Variants in CD247 observed in about 807,000 individuals in gnomAD.
CD247 encodes T-cell surface glycoprotein CD3 zeta chain.
CD247 carries 13 observed loss-of-function variants against 30.0 expected under a neutral mutation model. The observed-to-expected ratio is 0.43, with a 90% CI of 0.28 to 0.69. CD247 has a LOEUF of 0.69. CD247 is among the 30% of genes least tolerant of loss of function. The pLI is 0.16. For synonymous variants in CD247, 72 were observed against 80.0 expected (o/e 0.90, Z 0.53); for missense variants, 193 against 212.6 (o/e 0.91, Z 0.57).
chr1:167,459,535 TAG>T (rs1286232886), intron 1 of CD247: 2 of 152,100 alleles, frequency 1.3e-5, no homozygotes, highest in African/African-American at 4.8e-5. Flanking sequence ...GTATTTTTAG[TAG>T]AGACAGGATT....
At chr1:167,442,626 C>T (rs1314056829) in intron 1 of CD247, among the ~76,000 whole-genome samples, 3 of 152,164 alleles carry the variant, frequency 2.0e-5, no homozygotes, top group African/African-American at 2.4e-5. Flanking sequence ...CCCTTCCTGC[C>T]CCTGGGCCAG....
At chr1:167,437,211 T>C (rs1651587289) in intron 4 of CD247, among the ~76,000 whole-genome samples, 1 of 152,034 alleles carries the variant, frequency 6.6e-6, no homozygotes, top group African/African-American at 2.4e-5. Flanking sequence ...GAGACCAGCC[T>C]GATCAACATG....
rs541122316 is a variant in CD247, at chr1:167,478,326, C to T, written c.59-37559G>A. ...GTTAATGGGACATGGAAGAACCAGA[C>T]CTGCCTGAGTACCTAACATGGCAAA... is the stretch of plus-strand genomic sequence containing the variant. On this transcript the variant is annotated intron_variant, in intron 1 of 7. Coordinates refer to ENST00000362089, the MANE Select transcript of CD247 (RefSeq NM_198053.3). Among the ~76,000 whole-genome samples, 296 of 152,336 alleles carry T rather than the reference C, an allele frequency of 1.9e-3. 1 individual carries two copies. The highest frequency in any genetic ancestry group is 3.4e-3 in the Admixed American group (52 of 15,304).
At chr1:167,513,268 G>T (rs1238237350) in intron 1 of CD247, among the ~76,000 whole-genome samples, 2 of 151,974 alleles carry the variant, frequency 1.3e-5, no homozygotes, top group African/African-American at 4.8e-5. Context: ...TATGTTTTAT[G>T]TTTTGATTAT....
At chr1:167,444,066 G>C (rs1238464489) in intron 1 of CD247, among the ~76,000 whole-genome samples, 3 of 152,232 alleles carry the variant, frequency 2.0e-5, no homozygotes, top group Non-Finnish European at 4.4e-5. Flanking sequence ...CTTACTAGCT[G>C]TGTGGTTTTG....
chr1:167,462,878 C>A (rs1359656076), intron 1 of CD247, among the ~76,000 whole-genome samples: 1 of 152,214 alleles, frequency 6.6e-6, no homozygotes, highest in Admixed American at 6.5e-5. Context: ...CTCTTCCTTG[C>A]ATTTCCCTCC....
chr1:167,508,313 T>G (rs1282401160), intron 1 of CD247, among the ~76,000 whole-genome samples: 1 of 152,118 alleles, frequency 6.6e-6, no homozygotes, highest in Non-Finnish European at 1.5e-5. Context: ...CATGGAATTA[T>G]AGATGGGAAC....
intron 1 of CD247, among the ~76,000 whole-genome samples, chr1:167,450,592 G>A (rs963301859): frequency 2.6e-5 from 4 of 152,112 alleles, no homozygotes; most frequent in Non-Finnish European, 5.9e-5. Flanking sequence ...TAGGCAATTC[G>A]CAGAGACAGG....
intron 4 of CD247, among the ~76,000 whole-genome samples, chr1:167,435,907 C>A (rs1012815997): frequency 1.3e-5 from 2 of 152,160 alleles, no homozygotes; most frequent in Non-Finnish European, 2.9e-5. Flanking sequence ...TCAATGAAAT[C>A]GACAGCCTCT....
chr1:167,484,473 G>A (rs1290773448), intron 1 of CD247, among the ~76,000 whole-genome samples: 1 of 152,214 alleles, frequency 6.6e-6, no homozygotes, highest in East Asian at 1.9e-4. Flanking sequence ...GCTCTGGCAG[G>A]AGCATTTTAA....
chr1:167,493,443 A>G (rs1029141798), intron 1 of CD247, among the ~76,000 whole-genome samples: 7 of 152,132 alleles, frequency 4.6e-5, no homozygotes, highest in African/African-American at 1.7e-4. Context: ...ATCATAAACA[A>G]CTTAGAAACA....
chr1:167,434,133 T>C, intron 5 of CD247, 57 bp from the exon 6 acceptor site: 1 of 1,516,564 alleles, frequency 6.6e-7, no homozygotes, highest in East Asian at 2.2e-5. Flanking sequence ...AAGCAGCAGG[T>C]TCCCCTACAA....
chr1:167,434,210 C>T, intron 5 of CD247, 134 bp from the exon 6 acceptor site: 1 of 809,120 alleles, frequency 1.2e-6, no homozygotes, highest in Non-Finnish European at 2.2e-6. Flanking sequence ...AATCAAGGCT[C>T]CAAACCTTAT....
chr1:167,448,489 T>C (rs969587435), intron 1 of CD247: 2 of 985,202 alleles, frequency 2.0e-6, no homozygotes, highest in Non-Finnish European at 2.4e-6. Context: ...GAGGCCGGCC[T>C]GGGGGGTTGA....
At chr1:167,506,813 T>C (rs1655156547) in intron 1 of CD247, among the ~76,000 whole-genome samples, 1 of 152,264 alleles carries the variant, frequency 6.6e-6, no homozygotes, top group South Asian at 2.1e-4. Context: ...TGAGACCTTA[T>C]GAATTTTTAG....
At chr1:167,502,813 C>T (rs976108751) in intron 1 of CD247, among the ~76,000 whole-genome samples, 1 of 152,070 alleles carries the variant, frequency 6.6e-6, no homozygotes, top group Non-Finnish European at 1.5e-5. Flanking sequence ...ATCTACAAGC[C>T]AAGGAACACC....
chr1:167,434,201 A>C, intron 5 of CD247, 125 bp from the exon 6 acceptor site: 1 of 844,558 alleles, frequency 1.2e-6, no homozygotes. Flanking sequence ...GGCTCCCACA[A>C]TCAAGGCTCC....
chr1:167,510,293 C>G (rs1465785893), intron 1 of CD247, among the ~76,000 whole-genome samples: 1 of 152,216 alleles, frequency 6.6e-6, no homozygotes, highest in Non-Finnish European at 1.5e-5. Context: ...ACATGCACAC[C>G]TGCACATGCA....
chr1:167,470,913 C>T (rs1156315664), intron 1 of CD247, among the ~76,000 whole-genome samples: 1 of 150,064 alleles, frequency 6.7e-6, no homozygotes, highest in East Asian at 1.9e-4. Flanking sequence ...ACTCTGTCAC[C>T]CAGGCTGGAG....
Sources: gnomAD v4.1 joint callset for allele counts (sites outside exome capture counted in the v4.1 genomes callset) on GRCh38, gnomAD v4.1.1 for gene constraint, MANE v1.5 for transcripts, NCBI Gene and HGNC (gene_info 2026-07-23, HGNC 2026-07-21) for gene names.